BLACAT1: variants seen among roughly 807,000 people sequenced by gnomAD.
BLACAT1 encodes the protein BLACAT1 overlapping LEMD1 locus, also known as bladder cancer associated transcript 1.
At chr1:205,454,103 T>C (rs11240484) in intron 1 of BLACAT1, among the ~76,000 whole-genome samples, 68,928 of 151,962 alleles carry the variant, frequency 0.45, 18,364 homozygotes, top group East Asian at 0.75. Flanking sequence ...GAGAATGGCT[T>C]CAGGGACACC....
chr1:205,440,111 A>G (rs1666268779), exon 2 of BLACAT1, among the ~76,000 whole-genome samples: 1 of 152,098 alleles, frequency 6.6e-6, no homozygotes, highest in Non-Finnish European at 1.5e-5. Context: ...GAATCAAGGG[A>G]GGGCACGGCT....
intron 1 of BLACAT1, among the ~76,000 whole-genome samples, chr1:205,445,405 G>A (rs750434522): frequency 2.0e-5 from 3 of 152,214 alleles, no homozygotes; most frequent in Non-Finnish European, 2.9e-5. Context: ...GGAGAAGCCC[G>A]CATTCTCCTT....
rs939799337 is a variant in BLACAT1, at chr1:205,446,921, T to C, written c.-36-5859A>G. 5.9e-4 allele frequency among the ~76,000 whole-genome samples: 90 copies of C among 152,340 alleles called. 1 individual carries two copies. Among genetic ancestry groups the C allele is most frequent in the African/African-American group, 2.1e-3 (86 of 41,570 alleles). On this transcript the variant is annotated intron_variant, in intron 1 of 1. Coordinates refer to ENST00000629624, the Ensembl canonical transcript of BLACAT1. ...GATTTCTCTTTGCTTCTCCTATTGTTCTGATCCCCCCGCTCCCCCCGACCT... is the reference window on the plus strand; with the variant it reads ...GATTTCTCTTTGCTTCTCCTATTGTCCTGATCCCCCCGCTCCCCCCGACCT...
At chr1:205,451,747 CT>C (rs901015978) in intron 1 of BLACAT1, among the ~76,000 whole-genome samples, 70 of 146,560 alleles carry the variant, frequency 4.8e-4, no homozygotes, top group East Asian at 1.2e-3. Flanking sequence ...GGAAAAGCAA[CT>C]TTTTTTTTTT....
chr1:205,439,326 G>A (rs1666256421), downstream of BLACAT1, among the ~76,000 whole-genome samples: 1 of 152,194 alleles, frequency 6.6e-6, no homozygotes, highest in Admixed American at 6.5e-5. Context: ...GTAGAAGGTG[G>A]GGGCTAGGAG....
chr1:205,449,577 C>G (rs769599253), intron 1 of BLACAT1, among the ~76,000 whole-genome samples: 3 of 152,084 alleles, frequency 2.0e-5, no homozygotes, highest in Non-Finnish European at 2.9e-5. Context: ...AACAACAGCA[C>G]AGCACAGCAC....
chr1:205,450,282 AC>A lies in BLACAT1; in HGVS notation c.-37+5634del, dbSNP rs1207587721. 6.6e-6 allele frequency among the ~76,000 whole-genome samples: 1 copy of A among 151,508 alleles called. No individual in the cohort carries two copies. Among genetic ancestry groups the A allele is most frequent in the Non-Finnish European group, 1.5e-5 (1 of 67,862 alleles). On this transcript the variant is annotated intron_variant, in intron 1 of 1. Transcript: ENST00000629624. This position sits in a 1 kb window ranked among gnomAD's most constrained non-coding sequence, Gnocchi z 4.4. ...CCTCTGAACCAGCCATGTATTACTC[AC>A]GTCCCCCTGCCGGGCTATTGGTGCA...
chr1:205,447,362 GAAATTAA>G (rs1391697879), intron 1 of BLACAT1, among the ~76,000 whole-genome samples: 10 of 152,188 alleles, frequency 6.6e-5, no homozygotes, highest in Non-Finnish European at 1.2e-4. Context: ...GTTGGTTGGT[GAAATTAA>G]GGGCTCTGAG....
rs182187101 is a variant in BLACAT1 at position 205,446,007 on chromosome 1, A to C, written c.-36-4945T>G. 5.1e-3 allele frequency among the ~76,000 whole-genome samples: 778 copies of C among 152,288 alleles called. 4 individuals are homozygous for C. The highest frequency in any genetic ancestry group is 0.013 in the Admixed American group (198 of 15,288). On this transcript the variant is annotated intron_variant, in intron 1 of 1. Transcript: ENST00000629624. The stretch of plus-strand genomic sequence containing the variant: ...AAACATGGGCCCACTCTCGCAAGGG[A>C]GGCCTTATGCTGGGTATATCTGAGG...
intron 1 of BLACAT1, among the ~76,000 whole-genome samples, chr1:205,443,392 T>A (rs1195566387): frequency 1.6e-5 from 1 of 60,642 alleles, no homozygotes; most frequent in Non-Finnish European, 4.4e-5. Context: ...CTCCCCAGGG[T>A]CCTTTGGGGA....
Position 205,450,808 on chromosome 1 carries a change from G to A in BLACAT1, c.-37+5109C>T, listed in dbSNP as rs1242915001. Among the ~76,000 whole-genome samples the A allele has an allele frequency of 6.6e-6, 1 of 152,244 alleles. No individual in the cohort carries two copies. The highest frequency in any genetic ancestry group is 1.9e-4 in the East Asian group (1 of 5,198). ...TGGGCTGGGGATGGAGGTGGGGACA[G>A]CCATCATGTCTCAGGCTGGAGTGAA... On this transcript the variant is annotated intron_variant, in intron 1 of 1. Transcript: ENST00000629624. This position sits in a 1 kb window ranked among gnomAD's most constrained non-coding sequence, Gnocchi z 4.4.
chr1:205,452,531 C>T (rs1282169957), intron 1 of BLACAT1, among the ~76,000 whole-genome samples: 1 of 152,210 alleles, frequency 6.6e-6, no homozygotes, highest in Non-Finnish European at 1.5e-5. Context: ...TTCTCAGACC[C>T]ACTGCCTGGC....
At chr1:205,435,456 C>T (rs1482669876), downstream of BLACAT1, 1 of 152,140 alleles carries the variant, frequency 6.6e-6, no homozygotes, top group Non-Finnish European at 1.5e-5. Context: ...ACTTTTCAGC[C>T]TGGAGAATAT....
rs1305707427 is a variant in BLACAT1, at chr1:205,448,788, G to A, written c.-37+7129C>T. Among the ~76,000 whole-genome samples the A allele has an allele frequency of 1.3e-5, 2 of 152,158 alleles. No homozygotes were observed. Among genetic ancestry groups the A allele is most frequent in the African/African-American group, 4.8e-5 (2 of 41,436 alleles). ...CTGCTGCCAGTACCCAGGATGGGGG[G>A]CCCCAGGTTAGGCTCCCTCTTTACA... On this transcript the variant is annotated intron_variant, in intron 1 of 1. Transcript: ENST00000629624. This position sits in a 1 kb window ranked among gnomAD's most constrained non-coding sequence, Gnocchi z 4.7.
Position 205,450,989 on chromosome 1 carries a change from C to T in BLACAT1, c.-37+4928G>A, listed in dbSNP as rs537820634. Among the ~76,000 whole-genome samples, 4 of 152,314 alleles carry T rather than the reference C, an allele frequency of 2.6e-5. No homozygotes were observed. The highest frequency in any genetic ancestry group is 4.1e-4 in the South Asian group (2 of 4,828). ...CCCTCTCCTCAAGATGGGGCCATGCCCACGATTCCTGTCTCCTCTGGGGCC... is the reference window on the plus strand; with the variant it reads ...CCCTCTCCTCAAGATGGGGCCATGCTCACGATTCCTGTCTCCTCTGGGGCC... On this transcript the variant is annotated intron_variant, in intron 1 of 1. Transcript: ENST00000629624. This position sits in a 1 kb window ranked among gnomAD's most constrained non-coding sequence, Gnocchi z 4.4.
chr1:205,439,671 G>A (rs539004423), downstream of BLACAT1, among the ~76,000 whole-genome samples: 114 of 152,264 alleles, frequency 7.5e-4, no homozygotes, highest in African/African-American at 2.6e-3. Flanking sequence ...TTCTGTCCCT[G>A]GGGAGCTAGA....
rs372357424 is a variant in BLACAT1, at chr1:205,448,292, C to T, written c.-36-7230G>A. On this transcript the variant is annotated intron_variant, in intron 1 of 1. Transcript: ENST00000629624. The surrounding 1 kb of genome is among the most constrained non-coding windows in gnomAD (Gnocchi z 4.7). ...CCTGGTCCCATGGGAGGTGCAGCTGCGCAGGAGAAGGAGCTCGCCCCTCAC... is the reference window on the plus strand; with the variant it reads ...CCTGGTCCCATGGGAGGTGCAGCTGTGCAGGAGAAGGAGCTCGCCCCTCAC... The T allele has an allele frequency of 3.8e-5, 20 of 526,546 alleles. No individual in the cohort carries two copies. The highest frequency in any genetic ancestry group is 1.9e-4 in the Admixed American group (10 of 51,336). 32.6% of individuals were successfully genotyped at this position (526,546 alleles called of 1,614,324 possible). A position where few individuals can be genotyped will look rare whatever the true frequency, so the allele number is the denominator to read the frequency against.
At chr1:205,455,415 G>C (rs1412233959) in intron 1 of BLACAT1, among the ~76,000 whole-genome samples, 1 of 152,116 alleles carries the variant, frequency 6.6e-6, no homozygotes, top group Non-Finnish European at 1.5e-5. Context: ...CCCAAACTGG[G>C]GTCTCCTGGG....
At chr1:205,435,268 G>A (rs769219940), downstream of BLACAT1, 5 of 152,234 alleles carry the variant, frequency 3.3e-5, no homozygotes, top group Non-Finnish European at 5.9e-5. Context: ...GGGAACGTTA[G>A]CACCATTGAC....
Sources: allele counts gnomAD v4.1 joint callset (sites outside exome capture counted in the v4.1 genomes callset), GRCh38; gene constraint gnomAD v4.1.1; non-coding constraint Gnocchi (gnomAD v3.1); transcripts MANE v1.5; gene names NCBI Gene and HGNC (gene_info 2026-07-23, HGNC 2026-07-21).